The following SND1 variants were observed in gnomAD, a reference collection of about 807,000 sequenced individuals.
The protein encoded by SND1 is staphylococcal nuclease domain-containing protein 1.
In SND1, 38 loss-of-function variants were observed where a neutral mutation model predicts 121.7. That is an observed-to-expected ratio of 0.31 (90% CI 0.24 to 0.41). The LOEUF (loss-of-function observed/expected upper bound fraction) is 0.41. Among genes scored for constraint, SND1 ranks in the 10% least tolerant of loss-of-function variants. The probability of loss-of-function intolerance (pLI) is 1.00; values close to 1 mark genes in which losing one functional copy is unlikely to be tolerated. For synonymous variants in SND1, 401 were observed against 447.4 expected (o/e 0.90, Z 1.31); for missense variants, 868 against 1,184.6 (o/e 0.73, Z 3.92).
intron 12 of SND1, among the ~76,000 whole-genome samples, chr7:127,874,903 G>C (rs1048566640): frequency 2.0e-5 from 3 of 151,970 alleles, no homozygotes; most frequent in Non-Finnish European, 2.9e-5. Context: ...AATGTATTAA[G>C]GGCAACCTAG....
At chr7:127,746,348 C>T (rs769266710) in intron 10 of SND1, among the ~76,000 whole-genome samples, 1 of 152,318 alleles carries the variant, frequency 6.6e-6, no homozygotes, top group African/African-American at 2.4e-5. Flanking sequence ...TTGAAGATTT[C>T]ATTCTGCTTT....
chr7:127,747,015 A>T (rs987068043), intron 10 of SND1, among the ~76,000 whole-genome samples: 1 of 152,200 alleles, frequency 6.6e-6, no homozygotes, highest in Non-Finnish European at 1.5e-5. Flanking sequence ...TTAATTTTTT[A>T]AAAAGCTTAC....
Position 127,721,246 on chromosome 7 carries a change from G to A in SND1, c.1039-41G>A, listed in dbSNP as rs764998152. ...CCTTGCTCTTGGACATGTGATGGGG[G>A]CCATAGAAGCAGGTTTAAGCATGTT... On this transcript the variant is annotated intron_variant, in intron 9 of 23. Transcript: ENST00000354725. 6 of 1,374,022 alleles carry A rather than the reference G, an allele frequency of 4.4e-6. No homozygotes were observed. In the East Asian group the frequency reaches 6.9e-5, roughly 16 times the overall value. 85.1% of individuals were successfully genotyped at this position (1,374,022 alleles called of 1,614,324 possible).
chr7:128,060,188 T>C (rs1793208099), intron 16 of SND1, among the ~76,000 whole-genome samples: 1 of 152,152 alleles, frequency 6.6e-6, no homozygotes, highest in Admixed American at 6.5e-5. Flanking sequence ...TGAACAGATC[T>C]CCTTCTAAGT....
chr7:127,985,784 G>A (rs1802373414), intron 15 of SND1, among the ~76,000 whole-genome samples: 1 of 152,224 alleles, frequency 6.6e-6, no homozygotes, highest in African/African-American at 2.4e-5. Flanking sequence ...GTAGAGGTCT[G>A]CTAGATGAGC....
chr7:127,950,140 A>C (rs1339055299), intron 15 of SND1, among the ~76,000 whole-genome samples: 1 of 152,208 alleles, frequency 6.6e-6, no homozygotes, highest in Non-Finnish European at 1.5e-5. Context: ...CATTTCTAGC[A>C]AGTTTCCAGA....
intron 16 of SND1, chr7:127,998,702 G>GC (rs1802739143): frequency 6.6e-6 from 1 of 152,170 alleles, no homozygotes; most frequent in Non-Finnish European, 1.5e-5. Flanking sequence ...TCCCATTCCA[G>GC]CCCCTAAATG....
At chr7:127,978,273 G>A (rs1261294516) in intron 15 of SND1, among the ~76,000 whole-genome samples, 1 of 152,196 alleles carries the variant, frequency 6.6e-6, no homozygotes, top group African/African-American at 2.4e-5. Context: ...GCGCTCAGTG[G>A]TAAATACCAT....
intron 10 of SND1, among the ~76,000 whole-genome samples, chr7:127,721,879 G>A (rs1796501738): frequency 6.6e-6 from 1 of 152,176 alleles, no homozygotes; most frequent in Admixed American, 6.5e-5. Context: ...TTTGCAGGTA[G>A]TAACTCTAAT....
chr7:127,677,061 C>T (rs974974395), intron 1 of SND1, among the ~76,000 whole-genome samples: 3 of 152,174 alleles, frequency 2.0e-5, no homozygotes, highest in Admixed American at 2.0e-4. Flanking sequence ...TCTTCTATAT[C>T]CCTAGAGGAA....
At chr7:127,990,714 T>C (rs1200427314) in intron 15 of SND1, among the ~76,000 whole-genome samples, 1 of 152,240 alleles carries the variant, frequency 6.6e-6, no homozygotes, top group African/African-American at 2.4e-5. Context: ...CCAGATGCTG[T>C]GGCTGAGAGC....
At chr7:128,017,033 A>C (rs1458933460) in intron 16 of SND1, among the ~76,000 whole-genome samples, 1 of 152,222 alleles carries the variant, frequency 6.6e-6, no homozygotes, top group South Asian at 2.1e-4. Flanking sequence ...TCACTGCCAG[A>C]AACTTTAGCC....
intron 16 of SND1, chr7:128,032,206 GCCGGCGCCTT>G (rs1216172812): frequency 6.6e-6 from 1 of 151,268 alleles, no homozygotes; most frequent in Non-Finnish European, 1.5e-5. Context: ...CGGGGTTAAC[GCCGGCGCCTT>G]CCAGCGCCGC....
chr7:127,986,728 A>T (rs1802399651), intron 15 of SND1, among the ~76,000 whole-genome samples: 1 of 152,274 alleles, frequency 6.6e-6, no homozygotes, highest in Non-Finnish European at 1.5e-5. Context: ...GAAAGAGGTC[A>T]GGAGCAGCAG....
intron 12 of SND1, among the ~76,000 whole-genome samples, chr7:127,859,425 A>G (rs1270966301): frequency 6.6e-6 from 1 of 152,174 alleles, no homozygotes; most frequent in Non-Finnish European, 1.5e-5. Flanking sequence ...CTGTGACCTA[A>G]ATAGAACCAA....
intron 12 of SND1, among the ~76,000 whole-genome samples, chr7:127,866,300 A>G (rs1799474973): frequency 6.6e-6 from 1 of 152,224 alleles, no homozygotes; most frequent in East Asian, 1.9e-4. Context: ...AGGCATAGTC[A>G]TTCATATTTA....
intron 9 of SND1, among the ~76,000 whole-genome samples, chr7:127,720,014 T>A (rs1587618580): frequency 6.6e-6 from 1 of 152,348 alleles, no homozygotes; most frequent in East Asian, 1.9e-4. Flanking sequence ...GTTCTTTGTG[T>A]TTCCGGTGTG....
chr7:127,920,821 A>T (rs773654421), intron 14 of SND1, among the ~76,000 whole-genome samples: 24 of 145,278 alleles, frequency 1.7e-4, no homozygotes, highest in Non-Finnish European at 2.4e-4. Context: ...GCACAGATAC[A>T]CCATCATCTG....
intron 16 of SND1, among the ~76,000 whole-genome samples, chr7:128,018,335 T>C (rs769109390): frequency 7.2e-5 from 11 of 152,242 alleles, no homozygotes; most frequent in African/African-American, 2.4e-4. Context: ...ACCTTGGGCA[T>C]TGCCAACCCC....
Sources: allele counts gnomAD v4.1 joint callset (sites outside exome capture counted in the v4.1 genomes callset), GRCh38; gene constraint gnomAD v4.1.1; transcripts MANE v1.5; gene names NCBI Gene and HGNC (gene_info 2026-07-23, HGNC 2026-07-21).